The following COMMD7 variants were observed in gnomAD, a reference collection of about 807,000 sequenced individuals.
COMMD7 encodes COMM domain containing 7, also known as COMM domain-containing protein 7.
Under a neutral mutation model 34.8 loss-of-function variants are expected in COMMD7, and 28 were observed. The observed-to-expected ratio is 0.80, with a 90% CI of 0.60 to 1.10. The LOEUF (loss-of-function observed/expected upper bound fraction) is 1.10, where lower values mean the gene tolerates loss of function less well. Among genes scored for constraint, COMMD7 ranks in the 50% least tolerant of loss-of-function variants. The pLI is 0.00. For missense variants in COMMD7, 211 were observed against 241.6 expected (o/e 0.87, Z 0.84); for synonymous variants, 80 against 86.4 (o/e 0.93, Z 0.41).
chr20:32,731,004 C>T (rs563412275), intron 1 of COMMD7, among the ~76,000 whole-genome samples: 1 of 152,298 alleles, frequency 6.6e-6, no homozygotes, highest in Admixed American at 6.5e-5. Context: ...TGTCAGGACT[C>T]TGTATTATTT....
chr20:32,710,212 C>T (rs534669636), intron 3 of COMMD7, among the ~76,000 whole-genome samples: 25 of 152,192 alleles, frequency 1.6e-4, no homozygotes, highest in Non-Finnish European at 2.9e-4. Flanking sequence ...TACTCATACT[C>T]GTATAATGCT....
chr20:32,704,959 C>A lies in COMMD7; in HGVS notation c.337-55G>T, dbSNP rs962802448. 7.2e-6 allele frequency: 9 copies of A among 1,247,158 alleles called. No individual in the cohort carries two copies. In the African/African-American group the frequency reaches 1.2e-4, roughly 16 times the overall value. 77.3% of individuals were successfully genotyped at this position (1,247,158 alleles called of 1,614,324 possible). A position where few individuals can be genotyped will look rare whatever the true frequency, so the allele number is the denominator to read the frequency against. ...TACAATAGGAAAATCTCCCCCTCTCCATCCTGCCCTAAACATTGCAATATT... is the reference window on the plus strand; with the variant it reads ...TACAATAGGAAAATCTCCCCCTCTCAATCCTGCCCTAAACATTGCAATATT... On this transcript the variant is annotated intron_variant, in intron 5 of 8. Transcript: ENST00000278980.
chr20:32,703,518 A>G (rs1224153100), intron 8 of COMMD7, 60 bp from the exon 9 acceptor site: 1 of 1,572,860 alleles, frequency 6.4e-7, no homozygotes, highest in East Asian at 2.2e-5. Context: ...TCATCCAAGA[A>G]AATTAATTTC....
intron 1 of COMMD7, among the ~76,000 whole-genome samples, chr20:32,737,013 T>C (rs1986160846): frequency 6.6e-6 from 1 of 151,868 alleles, no homozygotes; most frequent in South Asian, 2.1e-4. Flanking sequence ...AAACCCCGTC[T>C]CTACTAAAAA....
chr20:32,705,348 ATGTGTGTGTG>A (rs1244224259), intron 5 of COMMD7, among the ~76,000 whole-genome samples: 3 of 143,622 alleles, frequency 2.1e-5, no homozygotes, highest in African/African-American at 8.0e-5. Context: ...GTATATATAT[ATGTGTGTGTG>A]TATATATATA....
intron 5 of COMMD7, 66 bp downstream of exon 5, chr20:32,706,517 A>C: frequency 7.2e-7 from 1 of 1,391,768 alleles, no homozygotes; most frequent in Non-Finnish European, 1.0e-6. Context: ...CATCTCAAAA[A>C]AAAAAAAAAG....
At chr20:32,727,799 G>T in intron 3 of COMMD7, 94 bp downstream of exon 3, 1 of 1,040,088 alleles carries the variant, frequency 9.6e-7, no homozygotes, top group Middle Eastern at 2.6e-4. Context: ...AAACGCTCTG[G>T]CTTGGCCCAC....
chr20:32,742,397 C>T (rs940798640), intron 1 of COMMD7: 2 of 151,874 alleles, frequency 1.3e-5, no homozygotes, highest in Non-Finnish European at 2.9e-5. Context: ...AGAAGAGGGG[C>T]GCTACCTCCT....
Position 32,718,607 on chromosome 20 carries a change from G to A in COMMD7, c.241+9286C>T, listed in dbSNP as rs561533956. 4.5e-4 allele frequency among the ~76,000 whole-genome samples: 68 copies of A among 152,232 alleles called. 3 individuals carry two copies. The East Asian group carries it at 0.012, about 27-fold the overall frequency. ...CCAGCTACTTGGGAGGCTGAGACAG[G>A]AGAATCGCTTGAACTCAGGAGGCGG... On this transcript the variant is annotated intron_variant, in intron 3 of 8. Coordinates refer to ENST00000278980, the MANE Select transcript of COMMD7 (RefSeq NM_053041.3).
chr20:32,714,824 A>AAAAAACAAC, intron 3 of COMMD7, among the ~76,000 whole-genome samples: 1 of 139,678 alleles, frequency 7.2e-6, no homozygotes. Context: ...ACTCCATCTC[A>AAAAAACAAC]AACAACAACA....
At chr20:32,727,738 T>TA (rs1985597508) in intron 3 of COMMD7, among the ~76,000 whole-genome samples, 155 bp downstream of exon 3, 1 of 152,094 alleles carries the variant, frequency 6.6e-6, no homozygotes. Context: ...GTTCACCTGT[T>TA]ACGTGGGCTC....
intron 3 of COMMD7, among the ~76,000 whole-genome samples, chr20:32,726,248 G>A (rs1985505021): frequency 1.3e-5 from 2 of 151,652 alleles, no homozygotes; most frequent in Admixed American, 1.3e-4. Flanking sequence ...AAAATTAGCT[G>A]GGCATGGTGG....
chr20:32,714,753 G>A (rs1250162776), intron 3 of COMMD7, among the ~76,000 whole-genome samples: 1 of 152,022 alleles, frequency 6.6e-6, no homozygotes, highest in Non-Finnish European at 1.5e-5. Context: ...GAACCTGGGA[G>A]GTGGAGGTTG....
At chr20:32,720,541 G>C (rs1985091426) in intron 3 of COMMD7, among the ~76,000 whole-genome samples, 1 of 152,198 alleles carries the variant, frequency 6.6e-6, no homozygotes, top group South Asian at 2.1e-4. Context: ...CGGGCATGGT[G>C]GTTCATGCCT....
chr20:32,718,668 C>G (rs1367687695), intron 3 of COMMD7, among the ~76,000 whole-genome samples: 1 of 151,934 alleles, frequency 6.6e-6, no homozygotes, highest in Non-Finnish European at 1.5e-5. Context: ...CATTGCACTC[C>G]AGCCTGGGTG....
intron 3 of COMMD7, among the ~76,000 whole-genome samples, chr20:32,726,798 C>A (rs1315884313): frequency 1.3e-5 from 2 of 152,120 alleles, no homozygotes; most frequent in Non-Finnish European, 1.5e-5. Flanking sequence ...CAGAAAATTT[C>A]AGTTGAAAAT....
intron 8 of COMMD7, chr20:32,703,674 G>A: frequency 7.0e-7 from 1 of 1,435,638 alleles, no homozygotes; most frequent in Middle Eastern, 2.5e-4. Context: ...GTGTTCAAAT[G>A]GCACAGCTCC....
chr20:32,735,179 A>G (rs1986068302), intron 1 of COMMD7, among the ~76,000 whole-genome samples: 2 of 151,172 alleles, frequency 1.3e-5, no homozygotes, highest in Admixed American at 1.3e-4. Context: ...CAGAGGTTGC[A>G]GTGAGCCAAG....
intron 2 of COMMD7, 27 bp from the exon 3 acceptor site, chr20:32,728,022 G>T (rs777422107): frequency 6.2e-7 from 1 of 1,612,324 alleles, no homozygotes; most frequent in Admixed American, 1.7e-5. Context: ...GTGAAAACCC[G>T]GGCCTTCACT....
Sources: allele counts gnomAD v4.1 joint callset (sites outside exome capture counted in the v4.1 genomes callset), GRCh38; gene constraint gnomAD v4.1.1; transcripts MANE v1.5; gene names NCBI Gene and HGNC (gene_info 2026-07-23, HGNC 2026-07-21).